LRRC37B: variants seen among roughly 807,000 people sequenced by gnomAD.
LRRC37B encodes leucine-rich repeat-containing protein 37B.
Under a neutral mutation model 98.3 loss-of-function variants are expected in LRRC37B, and 28 were observed. The ratio of observed to expected loss-of-function variants is 0.28; its 90% CI spans 0.21 to 0.39. The LOEUF is 0.39. Ranked by LOEUF, LRRC37B falls within the 10% of genes least tolerant of loss-of-function variation. The pLI, the probability that LRRC37B is intolerant of heterozygous loss-of-function variation, is 1.00. For missense variants in LRRC37B, 938 were observed against 1,182.7 expected (o/e 0.79, Z 3.03); for synonymous variants, 364 against 442.7 (o/e 0.82, Z 2.23).
intron 7 of LRRC37B, among the ~76,000 whole-genome samples, chr17:32,044,519 G>A (rs1480842542): frequency 1.3e-5 from 2 of 152,082 alleles, no homozygotes; most frequent in South Asian, 2.1e-4. Flanking sequence ...TTCCTGCCTC[G>A]TGACCCCAGG....
At chr17:32,007,570 C>A (rs1316728538), upstream of LRRC37B, among the ~76,000 whole-genome samples, 5 of 151,934 alleles carry the variant, frequency 3.3e-5, no homozygotes, top group Non-Finnish European at 7.4e-5. This position sits in a 1 kb window ranked among gnomAD's most constrained non-coding sequence, Gnocchi z 4.1. Flanking sequence ...CGGCCCTCCC[C>A]GTCAGCTTTC....
chr17:32,024,857 T>C, intron 2 of LRRC37B, 75 bp downstream of exon 5: 3 of 1,553,930 alleles, frequency 1.9e-6, no homozygotes, highest in Non-Finnish European at 2.6e-6. Context: ...AATTTTGAGG[T>C]CCATACCTCT....
At chr17:32,015,786 C>A (rs1910636350) in intron 1 of LRRC37B, among the ~76,000 whole-genome samples, 1 of 152,134 alleles carries the variant, frequency 6.6e-6, no homozygotes, top group Non-Finnish European at 1.5e-5. Flanking sequence ...GAAACATGAT[C>A]TGTGCTCTAA....
At chr17:32,018,591 C>T (rs1183478070), upstream of LRRC37B, among the ~76,000 whole-genome samples, 1 of 152,104 alleles carries the variant, frequency 6.6e-6, no homozygotes, top group East Asian at 1.9e-4. Context: ...TTAGTCTCCC[C>T]CGGCCCCAGG....
rs570737451 is a variant in LRRC37B, at chr17:32,011,789, G to A, written c.-191+3657G>A. Among the ~76,000 whole-genome samples, 38 of 152,306 alleles carry A rather than the reference G, an allele frequency of 2.5e-4. No homozygotes were observed. The South Asian group carries it at 5.2e-3, about 21-fold the overall frequency. ...TGGGATTACAGGCATGAGCCACCGC[G>A]CCCAGCCCCTTTGTGCACTTTTAAA... On this transcript the variant is annotated intron_variant, in intron 1 of 14. Coordinates refer to the LRRC37B transcript ENST00000543378.
intron 7 of LRRC37B, among the ~76,000 whole-genome samples, chr17:32,038,555 T>C (rs372609895): frequency 6.6e-6 from 1 of 152,196 alleles, no homozygotes; most frequent in African/African-American, 2.4e-5. Flanking sequence ...TGTCTTTTCA[T>C]TCTGTTAAAA....
chr17:32,037,824 T>C (rs1911292012), intron 7 of LRRC37B, among the ~76,000 whole-genome samples: 2 of 152,094 alleles, frequency 1.3e-5, no homozygotes, highest in Non-Finnish European at 2.9e-5. Flanking sequence ...AAGAGTGCTT[T>C]AGGCCAGGCA....
At chr17:32,015,930 A>G (rs1910640674) in intron 1 of LRRC37B, among the ~76,000 whole-genome samples, 1 of 152,260 alleles carries the variant, frequency 6.6e-6, no homozygotes, top group Admixed American at 6.5e-5. Context: ...TAGAGGTGAC[A>G]TTTGAGCCCG....
chr17:32,021,984 C>A, exon 1 of LRRC37B: 2 of 1,614,140 alleles, frequency 1.2e-6, no homozygotes, highest in Non-Finnish European at 1.7e-6. Context: ...GTCCTCTTCA[C>A]TCCAGGAAGA....
chr17:32,041,833 C>G (rs937673185), intron 7 of LRRC37B: 2 of 459,044 alleles, frequency 4.4e-6, no homozygotes, highest in African/African-American at 4.0e-5. Flanking sequence ...CGGGGCAACA[C>G]TAAGGTGCTC....
At chr17:32,051,944 C>T (rs1911772277) in intron 11 of LRRC37B, 1 of 151,612 alleles carries the variant, frequency 6.6e-6, no homozygotes, top group Admixed American at 6.6e-5. Flanking sequence ...TTTGTATTGC[C>T]ATTGTAAATG....
At chr17:32,041,633 C>T (rs555975163) in intron 7 of LRRC37B, 77 of 462,884 alleles carry the variant, frequency 1.7e-4, no homozygotes, top group African/African-American at 1.3e-3. Flanking sequence ...CCAAGCCTGC[C>T]GGCGCCACCC....
intron 7 of LRRC37B, chr17:32,040,508 A>C: frequency 4.3e-6 from 3 of 701,118 alleles, no homozygotes; most frequent in Non-Finnish European, 8.0e-6. Flanking sequence ...GGAGGGGCTG[A>C]GGGGACCAAG....
intron 11 of LRRC37B, chr17:32,052,433 T>C (rs1911785244): frequency 6.6e-6 from 1 of 152,142 alleles, no homozygotes; most frequent in African/African-American, 2.4e-5. Context: ...TTTCATACTT[T>C]TAAGAGTTTT....
chr17:32,049,442 G>T (rs2470260), intron 10 of LRRC37B, 48 bp downstream of exon 13: 2 of 1,565,532 alleles, frequency 1.3e-6, no homozygotes, highest in Non-Finnish European at 8.7e-7. Context: ...ATCATTTAGC[G>T]TATGCCAGGA....
intron 3 of LRRC37B, among the ~76,000 whole-genome samples, chr17:32,029,155 C>T (rs1296591413): frequency 1.3e-5 from 2 of 151,996 alleles, no homozygotes; most frequent in East Asian, 3.9e-4. Flanking sequence ...GCACACGCCG[C>T]CATGCCCAGC....
At chr17:32,037,307 C>T (rs184817368) in intron 7 of LRRC37B, among the ~76,000 whole-genome samples, 52 of 150,402 alleles carry the variant, frequency 3.5e-4, no homozygotes, top group African/African-American at 1.2e-3. Flanking sequence ...GAGACAGAGT[C>T]ATTGCTGAAG....
At chr17:32,024,735 A>C (rs1037327258) in exon 2 of LRRC37B, 2 of 1,607,514 alleles carry the variant, frequency 1.2e-6, no homozygotes, top group Non-Finnish European at 1.7e-6. Flanking sequence ...ACTATATTTC[A>C]TACCTTGATG....
At chr17:32,048,632 A>G (rs961768086) in intron 9 of LRRC37B, among the ~76,000 whole-genome samples, 1 of 152,200 alleles carries the variant, frequency 6.6e-6, no homozygotes, top group African/African-American at 2.4e-5. Flanking sequence ...TTCCAGAAAA[A>G]AATACCGCTT....
Sources: allele counts gnomAD v4.1 joint callset (sites outside exome capture counted in the v4.1 genomes callset), GRCh38; gene constraint gnomAD v4.1.1; non-coding constraint Gnocchi (gnomAD v3.1); transcripts MANE v1.5; gene names NCBI Gene and HGNC (gene_info 2026-07-23, HGNC 2026-07-21).